The following AKAP13 variants were observed in gnomAD, a reference collection of about 807,000 sequenced individuals.
AKAP13 encodes the protein A-kinase anchoring protein 13.
In AKAP13, 80 loss-of-function variants were observed where a neutral mutation model predicts 264.5. The observed-to-expected ratio is 0.30, with a 90% confidence interval of 0.25 to 0.36. The LOEUF is 0.36. Among genes scored for constraint, AKAP13 ranks in the 10% least tolerant of loss-of-function variants. The probability of loss-of-function intolerance (pLI) is 1.00; values close to 1 mark genes in which losing one functional copy is unlikely to be tolerated. For synonymous variants in AKAP13, 1,380 were observed against 1,250.2 expected (o/e 1.10, Z -2.19); for missense variants, 3,712 against 3,435.2 (o/e 1.08, Z -2.01).
chr15:85,517,017 A>G (rs1223407231), intron 2 of AKAP13, among the ~76,000 whole-genome samples: 1 of 152,240 alleles, frequency 6.6e-6, no homozygotes, highest in Admixed American at 6.5e-5. Flanking sequence ...GTAATTTTTA[A>G]TAATGGCTGA....
Position 85,727,422 on chromosome 15 carries a change from A to G in AKAP13, c.7046A>G (p.Glu2349Gly). 1 of 1,614,210 alleles carries G rather than the reference A, an allele frequency of 6.2e-7. No individual in the cohort carries two copies. Among genetic ancestry groups the G allele is most frequent in the Non-Finnish European group, 8.5e-7 (1 of 1,180,030 alleles). Reference protein sequence around the residue: ...EDEGIPSENEEEKKMLDTRAR... With the variant: ...EDEGIPSENEGEKKMLDTRAR... ...GAAGGAATTCCTAGTGAGAATGAGG[A>G]AGAAAAGAAAATGTTGGACACCAGA... The change falls in exon 29 of 37, where the codon GAA becomes GGA. Residue 2349 changes from glutamate (E) to glycine (G), a missense_variant. Transcript: ENST00000394518. The surrounding 1 kb of genome is among the most constrained non-coding windows in gnomAD (Gnocchi z 5.3).
Position 85,743,472 on chromosome 15 carries a change from C to G in AKAP13, c.8059-20C>G, listed in dbSNP as rs754045801. ...CGCTGACAGCCTCCAAGTGAAAACC[C>G]TTCTCTTGAATATGTACAGGTTTCC... On this transcript the variant is annotated intron_variant, in intron 35 of 36. Transcript: ENST00000394518. The G allele has an allele frequency of 1.2e-6, 2 of 1,603,604 alleles. No individual in the cohort carries two copies. Among genetic ancestry groups the G allele is most frequent in the Non-Finnish European group, 1.7e-6 (2 of 1,172,928 alleles).
chr15:85,745,396 G>C lies in AKAP13; in HGVS notation c.*719G>C, dbSNP rs936979817. 3.3e-5 allele frequency: 5 copies of C among 152,090 alleles called. No homozygotes were observed. Among genetic ancestry groups the C allele is most frequent in the Non-Finnish European group, 7.3e-5 (5 of 68,028 alleles). 9.4% of individuals were successfully genotyped at this position (152,090 alleles called of 1,614,324 possible). A position where few individuals can be genotyped will look rare whatever the true frequency, so the allele number is the denominator to read the frequency against. ...ACGTGATGTGCACCACCTCGATCTC[G>C]GTGTTTCAGGCACTAAAGCAACAAA... On this transcript the variant is annotated 3_prime_UTR_variant, in exon 37 of 37. Coordinates refer to ENST00000394518, the MANE Select transcript of AKAP13 (RefSeq NM_007200.5).
intron 5 of AKAP13, among the ~76,000 whole-genome samples, chr15:85,556,097 T>G (rs972039248): frequency 2.0e-5 from 3 of 152,208 alleles, no homozygotes; most frequent in African/African-American, 7.2e-5. Context: ...GAGTACAGAT[T>G]GTGGCCGTTT....
At chr15:85,541,797 C>G (rs1451288182) in intron 4 of AKAP13, among the ~76,000 whole-genome samples, 3 of 152,194 alleles carry the variant, frequency 2.0e-5, no homozygotes. Context: ...ACATTGTTTT[C>G]TCCTAATCTG....
At chr15:85,410,216 C>A (rs191136233) in intron 1 of AKAP13, among the ~76,000 whole-genome samples, 9 of 151,494 alleles carry the variant, frequency 5.9e-5, no homozygotes, top group Non-Finnish European at 8.8e-5. Context: ...ATGACTTCCC[C>A]GGGCTGGTCG....
intron 10 of AKAP13, among the ~76,000 whole-genome samples, chr15:85,650,048 C>T (rs767251111): frequency 1.3e-5 from 2 of 152,012 alleles, no homozygotes; most frequent in African/African-American, 2.4e-5. Context: ...AGGGAACATC[C>T]TTCTTTCATG....
At chr15:85,407,227 G>A (rs1328505035) in intron 1 of AKAP13, among the ~76,000 whole-genome samples, 2 of 149,706 alleles carry the variant, frequency 1.3e-5, no homozygotes, top group African/African-American at 5.0e-5. Flanking sequence ...GGGTGTGCTG[G>A]GTCTTTTTTT....
chr15:85,530,824 G>A (rs987081670), intron 3 of AKAP13, among the ~76,000 whole-genome samples: 10 of 152,118 alleles, frequency 6.6e-5, no homozygotes, highest in Admixed American at 6.5e-4. Flanking sequence ...ATTAAGTGAG[G>A]CTATATATGG....
At position 85,429,784 on chromosome 15, in the gene AKAP13, A is replaced by C. The variant is rs1437327361; in HGVS notation, c.-12+48986A>C. Among the ~76,000 whole-genome samples the C allele has an allele frequency of 3.3e-5, 5 of 152,250 alleles. No individual in the cohort carries two copies. The East Asian group carries it at 9.6e-4, about 29-fold the overall frequency. Reference sequence around the variant, plus strand: ...TAATTCAGTAGGTGTAGGGTGGCGCAGGAATCTGTGATGCTGATATGCACT... The same window carrying C: ...TAATTCAGTAGGTGTAGGGTGGCGCCGGAATCTGTGATGCTGATATGCACT... On this transcript the variant is annotated intron_variant, in intron 1 of 36. Coordinates refer to ENST00000394518, the MANE Select transcript of AKAP13 (RefSeq NM_007200.5).
At chr15:85,717,156 T>C in intron 20 of AKAP13, 134 bp from the exon 21 acceptor site, 2 of 567,134 alleles carry the variant, frequency 3.5e-6, no homozygotes, top group Non-Finnish European at 3.0e-6. Flanking sequence ...GGCCCCGACA[T>C]AAGCAATTTG....
intron 1 of AKAP13, among the ~76,000 whole-genome samples, chr15:85,442,392 A>C (rs2073693900): frequency 7.8e-6 from 1 of 128,136 alleles, no homozygotes; most frequent in Non-Finnish European, 1.6e-5. Context: ...CCTGGGTGAT[A>C]GAGCAAGATT....
chr15:85,549,039 A>C (rs1164310160), intron 5 of AKAP13, among the ~76,000 whole-genome samples: 1 of 151,402 alleles, frequency 6.6e-6, no homozygotes, highest in Admixed American at 6.6e-5. Flanking sequence ...CCCTTTCTTT[A>C]ATTTTCTTTT....
chr15:85,631,854 G>A (rs2081844822), intron 8 of AKAP13, among the ~76,000 whole-genome samples: 1 of 151,978 alleles, frequency 6.6e-6, no homozygotes, highest in African/African-American at 2.4e-5. Context: ...AGTTTATCAA[G>A]ATAAATTTTT....
chr15:85,582,037 A>G lies in AKAP13; in HGVS notation c.3969A>G (p.Ala1323=), dbSNP rs2079149697. The G allele has an allele frequency of 1.2e-6, 2 of 1,613,978 alleles. No homozygotes were observed. Among genetic ancestry groups the G allele is most frequent in the African/African-American group, 1.3e-5 (1 of 74,940 alleles). Residue 1323 remains alanine, a synonymous_variant, in exon 7 of 37, where the codon GCA becomes GCG. Coordinates refer to ENST00000394518, the MANE Select transcript of AKAP13 (RefSeq NM_007200.5). ...CTGAGGAAGCCACGGGGAGCCTTGC[A>G]GGATGTTTTGCTGGAAGGGAGGAGC... The part of the protein sequence containing the change: ...STPEEATGSL[A]GCFAGREEPE...
chr15:85,545,031 A>G (rs2077691359), intron 5 of AKAP13, among the ~76,000 whole-genome samples: 1 of 152,222 alleles, frequency 6.6e-6, no homozygotes, highest in South Asian at 2.1e-4. Context: ...ACCTTTCCCC[A>G]TCACGCTAGA....
intron 1 of AKAP13, among the ~76,000 whole-genome samples, chr15:85,383,943 A>G (rs930226498): frequency 3.9e-5 from 6 of 152,336 alleles, no homozygotes; most frequent in South Asian, 2.1e-4. Context: ...CCTCTTCAAG[A>G]TAACACTTTA....
intron 1 of AKAP13, among the ~76,000 whole-genome samples, chr15:85,441,313 C>G (rs576020383): frequency 6.6e-6 from 1 of 151,998 alleles, no homozygotes; most frequent in Non-Finnish European, 1.5e-5. Context: ...GGTCAAGTGT[C>G]TGTTCAAACC....
chr15:85,741,145 G>A lies in AKAP13; in HGVS notation c.7708G>A (p.Glu2570Lys). 2 of 1,613,556 alleles carry A rather than the reference G, an allele frequency of 1.2e-6. No homozygotes were observed. Among genetic ancestry groups the A allele is most frequent in the Non-Finnish European group, 1.7e-6 (2 of 1,179,788 alleles). Residue 2570 changes from glutamate (E) to lysine (K), a missense_variant, in exon 35 of 37, where the codon GAG becomes AAG. This residue lies in a region of AKAP13 where 611 missense variants were observed against 539.3 expected (regional missense o/e 1.13). Transcript: ENST00000394518. ...CTTGTCCCGCCCGAGCTCCCTCATT[G>A]AGCAGGAGAAGCAGCGCAGCCTGGA... ...RSLSRPSSLI[E>K]QEKQRSLEKQ...
Sources: gnomAD v4.1 joint callset for allele counts (sites outside exome capture counted in the v4.1 genomes callset) on GRCh38, gnomAD v4.1.1 for gene constraint, gnomAD v4.1.1 regional missense constraint, Gnocchi (gnomAD v3.1) non-coding constraint, MANE v1.5 for transcripts, NCBI Gene and HGNC (gene_info 2026-07-23, HGNC 2026-07-21) for gene names.